The following SNX30 variants were observed in gnomAD, a reference collection of about 807,000 sequenced individuals.
SNX30 encodes the protein sorting nexin-30.
A neutral mutation model predicts 46.4 loss-of-function variants in SNX30; 24 were observed. The observed-to-expected ratio is 0.52, with a 90% CI of 0.37 to 0.73. The LOEUF is 0.73. Among genes scored for constraint, SNX30 ranks in the 30% least tolerant of loss-of-function variants. SNX30 has a pLI of 0.00. For synonymous variants in SNX30, 189 were observed against 211.5 expected (o/e 0.89, Z 0.92); for missense variants, 533 against 555.7 (o/e 0.96, Z 0.41).
intron 1 of SNX30, among the ~76,000 whole-genome samples, chr9:112,760,967 A>T (rs111889275): frequency 2.5e-4 from 38 of 152,082 alleles, no homozygotes; most frequent in Non-Finnish European, 4.7e-4. Flanking sequence ...GACAGGAAAG[A>T]CCTGTGGCCG....
chr9:112,842,567 C>A (rs1386712763), intron 6 of SNX30, among the ~76,000 whole-genome samples: 1 of 152,194 alleles, frequency 6.6e-6, no homozygotes, highest in Non-Finnish European at 1.5e-5. Flanking sequence ...ATTGTTGACA[C>A]GAAGAAACAG....
intron 1 of SNX30, among the ~76,000 whole-genome samples, chr9:112,786,954 C>A (rs1476150397): frequency 1.3e-5 from 2 of 152,118 alleles, no homozygotes; most frequent in Admixed American, 1.3e-4. Flanking sequence ...TGGTTCAGGG[C>A]CTTTTTCTTT....
chr9:112,797,437 T>A (rs1840124142), intron 1 of SNX30, among the ~76,000 whole-genome samples: 1 of 151,712 alleles, frequency 6.6e-6, no homozygotes, highest in South Asian at 2.1e-4. Context: ...TTGTATCATT[T>A]ATATCCCCAC....
intron 1 of SNX30, among the ~76,000 whole-genome samples, chr9:112,782,039 T>G (rs1839854460): frequency 6.6e-6 from 1 of 152,156 alleles, no homozygotes; most frequent in Non-Finnish European, 1.5e-5. Context: ...AAATTAAAAT[T>G]TCAGTCTTTG....
intron 1 of SNX30, among the ~76,000 whole-genome samples, chr9:112,773,348 C>T (rs1839683424): frequency 6.6e-6 from 1 of 151,968 alleles, no homozygotes; most frequent in African/African-American, 2.4e-5. Flanking sequence ...ATAGTCATAA[C>T]TCATATGAAC....
Position 112,755,532 on chromosome 9 carries a change from C to T in SNX30, c.156+4375C>T, listed in dbSNP as rs534649948. On this transcript the variant is annotated intron_variant, in intron 1 of 8. Transcript: ENST00000374232. ...GCAGGGGACATTTCAGGGTCTTGAG[C>T]AGGAGGGGGGCATAGTTTGATTATA... is the stretch of plus-strand genomic sequence containing the variant. Among the ~76,000 whole-genome samples the T allele has an allele frequency of 4.2e-4, 64 of 151,830 alleles. No individual in the cohort carries two copies. In the Middle Eastern group the frequency reaches 0.01, roughly 24 times the overall value.
At chr9:112,795,257 A>G (rs868851484) in intron 1 of SNX30, among the ~76,000 whole-genome samples, 1 of 152,214 alleles carries the variant, frequency 6.6e-6, no homozygotes, top group East Asian at 1.9e-4. Context: ...GCTTCCATAT[A>G]CTAACTAACT....
intron 2 of SNX30, among the ~76,000 whole-genome samples, chr9:112,817,413 T>C (rs1396051699): frequency 8.0e-6 from 1 of 124,440 alleles, no homozygotes. Context: ...TTTTTTTTTT[T>C]TTTTTTTTTT....
At chr9:112,773,181 T>C (rs1839679626) in intron 1 of SNX30, among the ~76,000 whole-genome samples, 1 of 152,188 alleles carries the variant, frequency 6.6e-6, no homozygotes, top group Non-Finnish European at 1.5e-5. Flanking sequence ...AAGGGAGTTC[T>C]AATATAATCA....
Position 112,838,584 on chromosome 9 carries a change from G to A in SNX30, c.901G>A (p.Val301Met), listed in dbSNP as rs747903060. The change falls in exon 6 of 9, where the codon GTG becomes ATG. Residue 301 changes from valine (V) to methionine (M), a missense_variant. By Grantham distance (21) the Val-to-Met change is conservative. This residue lies in a region of SNX30 where 261 missense variants were observed against 270.9 expected (regional missense o/e 0.96). Transcript: ENST00000374232. ...TGAGCTGGCTGAACCCCTGGAGGGT[G>A]TGTCAGCTTGCATTGGGAACTGCTC... ...EGELAEPLEG[V>M]SACIGNCSTA... 4 of 1,614,230 alleles carry A rather than the reference G, an allele frequency of 2.5e-6. No individual in the cohort carries two copies. The highest frequency in any genetic ancestry group is 2.2e-5 in the East Asian group (1 of 44,886).
At chr9:112,797,713 T>TG (rs1428482595) in intron 1 of SNX30, among the ~76,000 whole-genome samples, 2 of 142,304 alleles carry the variant, frequency 1.4e-5, no homozygotes, top group Non-Finnish European at 3.1e-5. Flanking sequence ...TTCTTTTTCT[T>TG]TTTTTTTTTT....
intron 1 of SNX30, among the ~76,000 whole-genome samples, chr9:112,760,635 C>T (rs181634277): frequency 1.3e-5 from 2 of 152,276 alleles, no homozygotes; most frequent in African/African-American, 2.4e-5. Context: ...GTTCAGGATC[C>T]GACTGTGCCA....
intron 1 of SNX30, among the ~76,000 whole-genome samples, chr9:112,792,248 T>G (rs1385311735): frequency 3.3e-5 from 5 of 152,144 alleles, no homozygotes; most frequent in Admixed American, 3.3e-4. Flanking sequence ...TCTGTTTAGG[T>G]TTTTTCTCTC....
Position 112,820,124 on chromosome 9 carries a change from A to T in SNX30, c.459+2309A>T, listed in dbSNP as rs1198901507. Among the ~76,000 whole-genome samples, 3 of 152,216 alleles carry T rather than the reference A, an allele frequency of 2.0e-5. No individual in the cohort carries two copies. In the South Asian group the frequency reaches 6.2e-4, roughly 32 times the overall value. On this transcript the variant is annotated intron_variant, in intron 3 of 8. Coordinates refer to ENST00000374232, the MANE Select transcript of SNX30 (RefSeq NM_001012994.2). ...CATAGACACTAGAAGAGAATGGAAG[A>T]ATTTCCGGAATGCCCAAAGTGGATC...
intron 1 of SNX30, among the ~76,000 whole-genome samples, chr9:112,780,140 A>G (rs751361801): frequency 1.5e-4 from 23 of 152,190 alleles, no homozygotes; most frequent in Non-Finnish European, 2.9e-4. Flanking sequence ...TTCTGGTGCC[A>G]CTGCTGGGGT....
intron 2 of SNX30, among the ~76,000 whole-genome samples, chr9:112,813,838 A>G (rs1471125390): frequency 4.6e-5 from 7 of 152,216 alleles, no homozygotes; most frequent in African/African-American, 7.2e-5. Flanking sequence ...CATAGAATAA[A>G]TATGCCATAA....
chr9:112,828,631 G>T (rs1288939602), intron 3 of SNX30, among the ~76,000 whole-genome samples: 2 of 152,210 alleles, frequency 1.3e-5, no homozygotes, highest in Non-Finnish European at 2.9e-5. Flanking sequence ...AATAAGCGGA[G>T]ATCTGATCAG....
intron 1 of SNX30, among the ~76,000 whole-genome samples, chr9:112,755,529 G>A (rs566004019): frequency 6.6e-6 from 1 of 152,184 alleles, no homozygotes; most frequent in South Asian, 2.1e-4. Context: ...TCAGGGTCTT[G>A]AGCAGGAGGG....
intron 2 of SNX30, among the ~76,000 whole-genome samples, chr9:112,805,224 T>G (rs913845508): frequency 0.03 from 24 of 796 alleles, no homozygotes; most frequent in South Asian, 0.12. Flanking sequence ...TTGCGCTTAT[T>G]TTTTTTTTTA....
Sources: gnomAD v4.1 joint callset for allele counts (sites outside exome capture counted in the v4.1 genomes callset) on GRCh38, gnomAD v4.1.1 for gene constraint, gnomAD v4.1.1 regional missense constraint, MANE v1.5 for transcripts, NCBI Gene and HGNC (gene_info 2026-07-23, HGNC 2026-07-21) for gene names.